Variants in AKAP19 observed in about 807,000 individuals in gnomAD.
The protein encoded by AKAP19 is small A-kinase anchoring protein.
At chr2:189,893,806 G>A in the AKAP19 span, among the ~76,000 whole-genome samples, 17,279 of 152,126 alleles carry the variant, frequency 0.11, 1,508 homozygotes, top group African/African-American at 0.23. Flanking sequence ...AACAATATAG[G>A]AGTATGTACA....
chr2:190,129,547 T>C, the AKAP19 span, among the ~76,000 whole-genome samples: 1 of 151,714 alleles, frequency 6.6e-6, no homozygotes, highest in Admixed American at 6.6e-5. Flanking sequence ...GTCCACACAA[T>C]ACTGAAAAAT....
At chr2:190,047,237 A>G in the AKAP19 span, among the ~76,000 whole-genome samples, 1 of 152,178 alleles carries the variant, frequency 6.6e-6, no homozygotes, top group Non-Finnish European at 1.5e-5. Flanking sequence ...CTGCTCTTCC[A>G]TGCCTGCATT....
At chr2:190,155,492 A>G in the AKAP19 span, among the ~76,000 whole-genome samples, 369 of 152,312 alleles carry the variant, frequency 2.4e-3, 1 homozygote, top group Non-Finnish European at 4.2e-3. Context: ...TAGAATAACT[A>G]TTAGATTAGA....
chr2:190,000,293 C>G, the AKAP19 span, among the ~76,000 whole-genome samples: 1 of 152,172 alleles, frequency 6.6e-6, no homozygotes, highest in African/African-American at 2.4e-5. Context: ...TAAATAAGTT[C>G]TACAGTTAAA....
chr2:189,983,400 A>G, the AKAP19 span, among the ~76,000 whole-genome samples: 1 of 152,092 alleles, frequency 6.6e-6, no homozygotes. Context: ...GGGCCCTACC[A>G]TTTGTGGAAG....
chr2:190,019,638 C>T, the AKAP19 span, among the ~76,000 whole-genome samples: 1 of 151,874 alleles, frequency 6.6e-6, no homozygotes, highest in African/African-American at 2.4e-5. Flanking sequence ...CTAGTCATGC[C>T]ATTACCCTCA....
chr2:189,880,527 A>G, the AKAP19 span, among the ~76,000 whole-genome samples: 1 of 152,200 alleles, frequency 6.6e-6, no homozygotes, highest in South Asian at 2.1e-4. Flanking sequence ...CTGAATCCAC[A>G]TGTTGCAAGA....
At chr2:190,113,470 T>C in the AKAP19 span, among the ~76,000 whole-genome samples, 5 of 152,262 alleles carry the variant, frequency 3.3e-5, no homozygotes, top group East Asian at 9.6e-4. Flanking sequence ...TTTTGGGTCA[T>C]CATTTTACTC....
chr2:190,170,816 T>C, the AKAP19 span, among the ~76,000 whole-genome samples: 1 of 152,188 alleles, frequency 6.6e-6, no homozygotes, highest in Non-Finnish European at 1.5e-5. Flanking sequence ...ATGTGCAGAG[T>C]CACACTCAGT....
chr2:189,886,353 C>A, the AKAP19 span, among the ~76,000 whole-genome samples: 1 of 152,122 alleles, frequency 6.6e-6, no homozygotes, highest in Non-Finnish European at 1.5e-5. Flanking sequence ...AGATATTGCT[C>A]CCCACAGTAG....
the AKAP19 span, among the ~76,000 whole-genome samples, chr2:189,928,731 T>C: frequency 6.6e-6 from 1 of 152,282 alleles, no homozygotes; most frequent in East Asian, 1.9e-4. Context: ...AGATACTAAA[T>C]TCCTCTATAT....
chr2:190,057,289 G>T, the AKAP19 span: 1 of 1,613,098 alleles, frequency 6.2e-7, no homozygotes, highest in African/African-American at 1.3e-5. Flanking sequence ...TACTACCATC[G>T]CTGGAATTTT....
At chr2:190,026,058 T>TC in the AKAP19 span, among the ~76,000 whole-genome samples, 1 of 152,312 alleles carries the variant, frequency 6.6e-6, no homozygotes, top group Admixed American at 6.5e-5. Context: ...TTTAAAAAAA[T>TC]ACAAACATCT....
the AKAP19 span, among the ~76,000 whole-genome samples, chr2:190,121,654 G>T: frequency 1.7e-4 from 26 of 152,212 alleles, 1 homozygote; most frequent in Middle Eastern, 6.8e-3. Flanking sequence ...TGGGGATTAA[G>T]GAATTAATAT....
the AKAP19 span, among the ~76,000 whole-genome samples, chr2:190,115,207 C>G: frequency 9.9e-6 from 1 of 101,124 alleles, no homozygotes; most frequent in African/African-American, 3.9e-5. Flanking sequence ...CAGAGAGAGA[C>G]AGAGAGAGAA....
chr2:189,987,286 T>C, the AKAP19 span, among the ~76,000 whole-genome samples: 1 of 152,210 alleles, frequency 6.6e-6, no homozygotes, highest in Non-Finnish European at 1.5e-5. Flanking sequence ...TGTAAAGAAA[T>C]GCCTTTTGCC....
the AKAP19 span, chr2:190,202,247 C>T: frequency 7.8e-5 from 13 of 167,076 alleles, no homozygotes; most frequent in African/African-American, 3.1e-4. Flanking sequence ...AGCACCACTC[C>T]CTTGTCCCTG....
the AKAP19 span, chr2:190,199,806 G>C: frequency 6.3e-7 from 1 of 1,580,746 alleles, no homozygotes; most frequent in Non-Finnish European, 8.6e-7. Context: ...GTTTTCTAAA[G>C]ATGGCCTGGA....
chr2:190,019,313 T>G, the AKAP19 span, among the ~76,000 whole-genome samples: 1,732 of 152,142 alleles, frequency 0.011, 32 homozygotes, highest in African/African-American at 0.04. Flanking sequence ...CAAGTGCTCT[T>G]TACACTTCCA....
Sources: allele counts gnomAD v4.1 joint callset (sites outside exome capture counted in the v4.1 genomes callset), GRCh38; gene constraint gnomAD v4.1.1; transcripts MANE v1.5; gene names NCBI Gene and HGNC (gene_info 2026-07-23, HGNC 2026-07-21).